Variants in CAMKMT observed in about 807,000 individuals in gnomAD.
The protein encoded by CAMKMT is calmodulin-lysine N-methyltransferase.
A neutral mutation model predicts 48.0 loss-of-function variants in CAMKMT; 53 were observed. The observed-to-expected ratio is 1.10, with a 90% CI of 0.89 to 1.39. The LOEUF is 1.39. Ranked by LOEUF, CAMKMT falls within the 40% of genes most tolerant of loss-of-function variation. The probability of loss-of-function intolerance (pLI) is 0.00; values close to 1 mark genes in which losing one functional copy is unlikely to be tolerated. For synonymous variants in CAMKMT, 165 were observed against 152.3 expected, an observed-to-expected ratio of 1.08 and a Z score of -0.61; for missense variants, 428 against 402.7, an observed-to-expected ratio of 1.06 and a Z score of -0.54.
chr2:44,646,816 T>C (rs1463100741), intron 3 of CAMKMT, among the ~76,000 whole-genome samples: 7 of 151,996 alleles, frequency 4.6e-5, no homozygotes, highest in Non-Finnish European at 1.0e-4. Context: ...TCCAGGAAGG[T>C]ATATTAGTGC....
chr2:44,670,734 C>T (rs930781772), intron 3 of CAMKMT, among the ~76,000 whole-genome samples: 7 of 152,156 alleles, frequency 4.6e-5, no homozygotes, highest in South Asian at 4.1e-4. Flanking sequence ...GTTTCTGATT[C>T]GGTAGGTCTG....
intron 3 of CAMKMT, among the ~76,000 whole-genome samples, chr2:44,543,031 G>A (rs1401007913): frequency 6.6e-6 from 1 of 152,146 alleles, no homozygotes; most frequent in Non-Finnish European, 1.5e-5. Context: ...TAGCTTCTTA[G>A]ATGCAAATTA....
At chr2:44,542,533 A>G (rs956988920) in intron 3 of CAMKMT, among the ~76,000 whole-genome samples, 1 of 62,352 alleles carries the variant, frequency 1.6e-5, no homozygotes, top group Non-Finnish European at 5.5e-5. Flanking sequence ...ACACACACAC[A>G]CACACTCTCT....
At chr2:44,454,524 G>A (rs1263321101) in intron 3 of CAMKMT, among the ~76,000 whole-genome samples, 1 of 152,062 alleles carries the variant, frequency 6.6e-6, no homozygotes, top group East Asian at 1.9e-4. Flanking sequence ...ACCCCTTCAT[G>A]CTTCCAGGGC....
At chr2:44,717,242 C>CT (rs1262615889) in intron 7 of CAMKMT, among the ~76,000 whole-genome samples, 3 of 151,832 alleles carry the variant, frequency 2.0e-5, no homozygotes, top group African/African-American at 7.3e-5. Flanking sequence ...TGAGGATGGG[C>CT]TTTTTTTGTC....
intron 3 of CAMKMT, among the ~76,000 whole-genome samples, chr2:44,689,294 T>C (rs1161631594): frequency 6.6e-6 from 1 of 150,402 alleles, no homozygotes; most frequent in African/African-American, 2.4e-5. Context: ...ATTTATTTAT[T>C]TATTTATTTA....
intron 1 of CAMKMT, among the ~76,000 whole-genome samples, chr2:44,369,355 T>C (rs2104347707): frequency 6.6e-6 from 1 of 152,360 alleles, no homozygotes; most frequent in African/African-American, 2.4e-5. Flanking sequence ...ATATATTTTC[T>C]TGATTATTTT....
intron 3 of CAMKMT, among the ~76,000 whole-genome samples, chr2:44,608,649 ATC>A (rs1241528631): frequency 2.0e-5 from 3 of 151,832 alleles, no homozygotes; most frequent in African/African-American, 4.8e-5. Flanking sequence ...CCTCTTGATT[ATC>A]TCTCTCTCTT....
intron 3 of CAMKMT, among the ~76,000 whole-genome samples, chr2:44,547,779 G>A (rs2103637690): frequency 6.6e-6 from 1 of 152,222 alleles, no homozygotes; most frequent in African/African-American, 2.4e-5. Context: ...CTGACACATA[G>A]GAGAAGTTCA....
chr2:44,436,880 A>G (rs1403944423), intron 3 of CAMKMT, among the ~76,000 whole-genome samples: 5 of 152,188 alleles, frequency 3.3e-5, no homozygotes, highest in African/African-American at 1.2e-4. Context: ...AAAAATAAAA[A>G]TAAGGTTTTG....
chr2:44,591,656 G>A lies in CAMKMT; in HGVS notation c.377-112627G>A, dbSNP rs374950926. ...CAACCATTGTGGAAGTCAGTGTGGCGATTCCTCAGGGATCTAGAACTAGAA... is the reference window on the plus strand; with the variant it reads ...CAACCATTGTGGAAGTCAGTGTGGCAATTCCTCAGGGATCTAGAACTAGAA... On this transcript the variant is annotated intron_variant, in intron 3 of 10. Coordinates refer to ENST00000378494, the MANE Select transcript of CAMKMT (RefSeq NM_024766.5). 4.4e-4 allele frequency among the ~76,000 whole-genome samples: 67 copies of A among 151,686 alleles called. 1 individual carries two copies. Among genetic ancestry groups the A allele is most frequent in the African/African-American group, 1.4e-3 (58 of 41,380 alleles).
intron 9 of CAMKMT, among the ~76,000 whole-genome samples, chr2:44,754,710 A>G (rs895306404): frequency 2.0e-5 from 3 of 152,166 alleles, no homozygotes; most frequent in Non-Finnish European, 2.9e-5. Context: ...ATATCCATTT[A>G]TGCCGGTGAG....
At chr2:44,435,715 T>G (rs1295515855) in intron 3 of CAMKMT, among the ~76,000 whole-genome samples, 1 of 152,228 alleles carries the variant, frequency 6.6e-6, no homozygotes, top group Non-Finnish European at 1.5e-5. Context: ...ACTTAAGAAG[T>G]GAGAATGTTT....
intron 3 of CAMKMT, among the ~76,000 whole-genome samples, chr2:44,537,927 A>G (rs1431298541): frequency 1.3e-5 from 2 of 152,198 alleles, no homozygotes; most frequent in Non-Finnish European, 2.9e-5. Context: ...TAGATCTACC[A>G]TTCAATCCAG....
rs773266826 is a variant in CAMKMT, at chr2:44,595,665, CT to C, written c.377-108617del. ...AGCTACTTTAAAGTTTAAAAAACTA[CT>C]ATAAAGACACATGCACATGTATGTT... On this transcript the variant is annotated intron_variant, in intron 3 of 10. Coordinates refer to ENST00000378494, the MANE Select transcript of CAMKMT (RefSeq NM_024766.5). Among the ~76,000 whole-genome samples the C allele has an allele frequency of 2.6e-5, 4 of 152,174 alleles. No individual in the cohort carries two copies. The East Asian group carries it at 5.8e-4, about 22-fold the overall frequency.
intron 3 of CAMKMT, among the ~76,000 whole-genome samples, chr2:44,489,624 G>A (rs1669387614): frequency 6.6e-6 from 1 of 151,996 alleles, no homozygotes; most frequent in Non-Finnish European, 1.5e-5. Context: ...TGCAATACTT[G>A]GATTACAATT....
At chr2:44,598,355 C>G (rs975926737) in intron 3 of CAMKMT, among the ~76,000 whole-genome samples, 1 of 151,882 alleles carries the variant, frequency 6.6e-6, no homozygotes. Context: ...TCACAAAAAC[C>G]AAGTTATGCA....
chr2:44,522,970 ATCT>A (rs1488989993), intron 3 of CAMKMT, among the ~76,000 whole-genome samples: 1 of 152,128 alleles, frequency 6.6e-6, no homozygotes, highest in Non-Finnish European at 1.5e-5. Context: ...TTACACAAGG[ATCT>A]TCTTTCTCCT....
At chr2:44,472,196 G>A (rs542183585) in intron 3 of CAMKMT, among the ~76,000 whole-genome samples, 127 of 152,028 alleles carry the variant, frequency 8.4e-4, no homozygotes, top group African/African-American at 2.9e-3. Flanking sequence ...TCAGCATCCC[G>A]AGTAGCTGGG....
Sources: gnomAD v4.1 joint callset for allele counts (sites outside exome capture counted in the v4.1 genomes callset) on GRCh38, gnomAD v4.1.1 for gene constraint, MANE v1.5 for transcripts, NCBI Gene and HGNC (gene_info 2026-07-23, HGNC 2026-07-21) for gene names.